NCOA6: variants seen among roughly 807,000 people sequenced by gnomAD.
NCOA6 encodes the protein nuclear receptor coactivator 6, also known as NRC RAP250.
A neutral mutation model predicts 171.4 loss-of-function variants in NCOA6; 49 were observed. The ratio of observed to expected loss-of-function variants is 0.29; its 90% CI spans 0.23 to 0.36. NCOA6 has a LOEUF of 0.36. Ranked by LOEUF, NCOA6 falls within the 10% of genes least tolerant of loss-of-function variation. The pLI is 1.00. For missense variants in NCOA6, 2,248 were observed against 2,554.5 expected (o/e 0.88, Z 2.59); for synonymous variants, 910 against 927.5 (o/e 0.98, Z 0.34).
chr20:34,776,572 G>T (rs1396645016), intron 3 of NCOA6, 124 bp from the exon 4 acceptor site: 4 of 1,127,444 alleles, frequency 3.5e-6, no homozygotes, highest in Admixed American at 2.0e-5. Flanking sequence ...AGCTAACAGA[G>T]CATATGCTTT....
intron 1 of NCOA6, among the ~76,000 whole-genome samples, chr20:34,794,141 C>T (rs548722989): frequency 1.3e-5 from 2 of 152,264 alleles, no homozygotes; most frequent in South Asian, 4.1e-4. Context: ...CAATTACAAG[C>T]TGGGTGTGCT....
intron 14 of NCOA6, among the ~76,000 whole-genome samples, chr20:34,726,115 G>T (rs1261928409): frequency 6.6e-6 from 1 of 152,172 alleles, no homozygotes; most frequent in Non-Finnish European, 1.5e-5. Context: ...CTTGGTCACA[G>T]AACCCAAGGG....
At chr20:34,732,726 A>G in intron 12 of NCOA6, 131 bp from the exon 13 acceptor site, 1 of 685,222 alleles carries the variant, frequency 1.5e-6, no homozygotes, top group Non-Finnish European at 2.5e-6. Context: ...CTCACCCTAC[A>G]TGGTATGGAG....
intron 9 of NCOA6, among the ~76,000 whole-genome samples, chr20:34,747,336 T>C (rs542449683): frequency 9.5e-4 from 144 of 152,292 alleles, no homozygotes; most frequent in Non-Finnish European, 1.8e-3. Context: ...TTTGTGGATA[T>C]AACAGTGGGG....
intron 10 of NCOA6, among the ~76,000 whole-genome samples, chr20:34,744,400 A>G (rs562565470): frequency 6.6e-6 from 1 of 152,352 alleles, no homozygotes; most frequent in East Asian, 1.9e-4. Flanking sequence ...AAAAGTGGGC[A>G]TACAGCTGGG....
At chr20:34,727,523 C>G (rs2147028307) in intron 13 of NCOA6, 116 bp from the exon 14 acceptor site, 4 of 1,153,424 alleles carry the variant, frequency 3.5e-6, no homozygotes, top group Non-Finnish European at 4.9e-6. Context: ...TATAGTTATT[C>G]TGGAGAGAAA....
At chr20:34,758,247 A>G (rs2076711566) in intron 6 of NCOA6, 143 bp from the exon 7 acceptor site, 2 of 1,083,602 alleles carry the variant, frequency 1.8e-6, no homozygotes, top group South Asian at 3.4e-5. Flanking sequence ...CCTTCTATGT[A>G]TGAAGCAACA....
intron 1 of NCOA6, among the ~76,000 whole-genome samples, chr20:34,797,361 T>C (rs1250164082): frequency 6.6e-6 from 1 of 152,052 alleles, no homozygotes; most frequent in Non-Finnish European, 1.5e-5. Context: ...TTTCTAGACA[T>C]ACCCTGGGCC....
chr20:34,776,336 G>T lies in NCOA6; in HGVS notation c.348C>A (p.Asn116Lys). The T allele has an allele frequency of 6.2e-7, 1 of 1,614,068 alleles. No individual in the cohort carries two copies. Among genetic ancestry groups the T allele is most frequent in the Non-Finnish European group, 8.5e-7 (1 of 1,180,046 alleles). The change falls in exon 4 of 15, where the codon AAC becomes AAA. Residue 116 changes from asparagine (N) to lysine (K), a missense_variant. This residue lies in a region of NCOA6 where 987 missense variants were observed against 1,104.7 expected (regional missense o/e 0.89). Coordinates refer to ENST00000359003, the MANE Select transcript of NCOA6 (RefSeq NM_014071.5). The stretch of plus-strand genomic sequence containing the variant: ...GAATCCCTAAATCCCGAAGCTGCTG[G>T]TTGTTGCTCTGAGCAAGGATCCGTA... ...ERLRILAQSN[N>K]QQLRDLGILS...
chr20:34,770,045 T>G (rs1039250896), intron 4 of NCOA6, among the ~76,000 whole-genome samples: 23 of 132,674 alleles, frequency 1.7e-4, no homozygotes, highest in Non-Finnish European at 3.9e-4. Context: ...TCAGCCTTCC[T>G]TTTTTTTTTT....
At chr20:34,755,722 CATTT>C (rs926970082) in intron 7 of NCOA6, among the ~76,000 whole-genome samples, 11 of 152,218 alleles carry the variant, frequency 7.2e-5, no homozygotes, top group East Asian at 1.9e-4. Flanking sequence ...TACATTCATT[CATTT>C]ATTTATTTAC....
intron 1 of NCOA6, among the ~76,000 whole-genome samples, chr20:34,814,349 A>G (rs2078764724): frequency 6.6e-6 from 1 of 152,146 alleles, no homozygotes; most frequent in Admixed American, 6.6e-5. Flanking sequence ...GGGGAAAAAA[A>G]AAATTGTAAA....
chr20:34,729,504 T>A (rs1990354466), intron 13 of NCOA6, among the ~76,000 whole-genome samples: 1 of 151,766 alleles, frequency 6.6e-6, no homozygotes. Flanking sequence ...TTAAATTTGC[T>A]TGCAAGACAT....
chr20:34,735,223 C>A (rs888425441), intron 12 of NCOA6, among the ~76,000 whole-genome samples: 4 of 152,156 alleles, frequency 2.6e-5, no homozygotes, highest in African/African-American at 9.7e-5. Context: ...TTTAGAGTTA[C>A]TCCTTTTCTT....
At chr20:34,727,199 G>A in intron 14 of NCOA6, 60 bp downstream of exon 14, 1 of 1,560,444 alleles carries the variant, frequency 6.4e-7, no homozygotes, top group Non-Finnish European at 8.7e-7. Flanking sequence ...TTCTACTGCT[G>A]TGGTAAGAAC....
intron 1 of NCOA6, among the ~76,000 whole-genome samples, chr20:34,823,608 T>C (rs2079069545): frequency 2.0e-5 from 3 of 152,198 alleles, no homozygotes; most frequent in East Asian, 1.9e-4. Context: ...ATTAATAAAA[T>C]AGAGACTCTG....
chr20:34,770,956 G>C (rs2077132041), intron 4 of NCOA6, among the ~76,000 whole-genome samples: 1 of 151,978 alleles, frequency 6.6e-6, no homozygotes, highest in Non-Finnish European at 1.5e-5. Flanking sequence ...CCTATACAAG[G>C]CCTTAAATTA....
chr20:34,813,465 T>TA (rs1163906642), intron 1 of NCOA6, among the ~76,000 whole-genome samples: 2,940 of 129,960 alleles, frequency 0.023, 37 homozygotes, highest in African/African-American at 0.055. Flanking sequence ...AACTCTGTCT[T>TA]AAAAAAAAAA....
chr20:34,823,577 C>T, intron 1 of NCOA6, among the ~76,000 whole-genome samples: 1 of 152,144 alleles, frequency 6.6e-6, no homozygotes, highest in Non-Finnish European at 1.5e-5. Context: ...TTGAATTCTT[C>T]TCTAACATGA....
Sources: allele counts gnomAD v4.1 joint callset (sites outside exome capture counted in the v4.1 genomes callset), GRCh38; gene constraint gnomAD v4.1.1; regional missense constraint gnomAD v4.1.1; transcripts MANE v1.5; gene names NCBI Gene and HGNC (gene_info 2026-07-23, HGNC 2026-07-21).